The following TG variants were observed in gnomAD, a reference collection of about 807,000 sequenced individuals.
TG encodes thyroid hormones.
A neutral mutation model predicts 324.7 loss-of-function variants in TG; 270 were observed. The observed-to-expected ratio is 0.83, with a 90% CI of 0.75 to 0.92. The LOEUF (loss-of-function observed/expected upper bound fraction) is 0.92, where lower values mean the gene tolerates loss of function less well. TG is among the 40% of genes least tolerant of loss of function. The pLI is 0.00. For synonymous variants in TG, 1,401 were observed against 1,327.0 expected (o/e 1.06, Z -1.21); for missense variants, 3,591 against 3,456.4 (o/e 1.04, Z -0.98).
At position 132,886,477 on chromosome 8, in the gene TG, C is replaced by T; in HGVS notation, c.1105C>T (p.Gln369Ter). The change falls in exon 9 of 48, where the codon CAG becomes TAG. Residue 369 changes from glutamine to a stop codon, truncating the protein, a stop_gained. Transcript: ENST00000220616. LOFTEE classifies it high-confidence loss of function. ...AGGCCAATCTTGTGCCTCCGAAAGG[C>T]AGCAGGCCTTGTCCAGACTCTACTT... ...AEGQSCASER[Q>*]QALSRLYFGT... The T allele has an allele frequency of 6.2e-7, 1 of 1,614,188 alleles. No individual in the cohort carries two copies. Among genetic ancestry groups the T allele is most frequent in the Non-Finnish European group, 8.5e-7 (1 of 1,180,042 alleles).
rs1391609441 is a variant in TG, at chr8:133,011,924, C to G, written c.6286C>G (p.Leu2096Val). 6.2e-7 allele frequency: 1 copy of G among 1,614,074 alleles called. No homozygotes were observed. Among genetic ancestry groups the G allele is most frequent in the East Asian group, 2.2e-5 (1 of 44,882 alleles). Residue 2096 changes from leucine (L) to valine (V), a missense_variant, in exon 36 of 48, where the codon CTG becomes GTG. Leu to Val is a conservative substitution (Grantham distance 32, BLOSUM62 1). Transcript: ENST00000220616. ...AGTGTCTCTGGACTCGTGGCAGTCCCTGGCCCTCTCTTCAGTGGTTGTTGA... is the reference window on the plus strand; with the variant it reads ...AGTGTCTCTGGACTCGTGGCAGTCCGTGGCCCTCTCTTCAGTGGTTGTTGA... ...EKVSLDSWQS[L>V]ALSSVVVDPS...
intron 44 of TG, 41 bp from the exon 45 acceptor site, chr8:133,116,568 C>T (rs1564207557): frequency 6.3e-7 from 1 of 1,574,878 alleles, no homozygotes; most frequent in East Asian, 2.2e-5. Flanking sequence ...GCCCATAGAG[C>T]CATGTTTAAC....
intron 41 of TG, among the ~76,000 whole-genome samples, chr8:133,079,825 G>A (rs1845475442): frequency 6.6e-6 from 1 of 152,062 alleles, no homozygotes; most frequent in East Asian, 1.9e-4. Context: ...CTTATTGAAT[G>A]CAAGGCATGA....
intron 38 of TG, among the ~76,000 whole-genome samples, chr8:133,018,313 G>A (rs1020934965): frequency 1.3e-5 from 2 of 152,122 alleles, no homozygotes; most frequent in African/African-American, 4.8e-5. Flanking sequence ...AGGTCCCCTG[G>A]ACATTGATCC....
chr8:132,871,093 C>T (rs1708174399), intron 3 of TG, among the ~76,000 whole-genome samples: 1 of 152,178 alleles, frequency 6.6e-6, no homozygotes, highest in South Asian at 2.1e-4. Context: ...CACTCTGATC[C>T]CATCTCCCCT....
rs191664624 is a variant in TG, at chr8:133,082,819, T to C, written c.7240-12225T>C. ...ATGATGCCTTAATACTTTCATGGCA[T>C]ATACTTTTTTTCTAATGATAAGATT... On this transcript the variant is annotated intron_variant, in intron 41 of 47. Coordinates refer to ENST00000220616, the MANE Select transcript of TG (RefSeq NM_003235.5). 4.7e-3 allele frequency among the ~76,000 whole-genome samples: 693 copies of C among 146,140 alleles called. 9 individuals are homozygous for C. The highest frequency in any genetic ancestry group is 0.016 in the African/African-American group (665 of 41,286).
Position 132,948,893 on chromosome 8 carries a change from A to G in TG, c.5351A>G (p.Gln1784Arg). Residue 1784 changes from glutamine to arginine, a missense_variant, in exon 27 of 48, where the codon CAG (glutamine) becomes CGG (arginine). Coordinates refer to ENST00000220616, the MANE Select transcript of TG (RefSeq NM_003235.5). ...ACATGTCCTGGTGTGACATATGACC[A>G]GGAGAGCCACCAGGTGATATTGCGT... is the stretch of plus-strand genomic sequence containing the variant. ...NATCPGVTYD[Q>R]ESHQVILRLG... 6.2e-7 allele frequency: 1 copy of G among 1,614,072 alleles called. No homozygotes were observed. Among genetic ancestry groups the G allele is most frequent in the Non-Finnish European group, 8.5e-7 (1 of 1,179,996 alleles).
intron 44 of TG, 114 bp downstream of exon 44, chr8:133,113,717 T>C: frequency 8.3e-7 from 1 of 1,203,828 alleles, no homozygotes; most frequent in African/African-American, 1.5e-5. Flanking sequence ...GCTTGAGGTT[T>C]CCTCTGCATC....
At chr8:132,995,160 A>G (rs931255243) in intron 35 of TG, 63 of 965,762 alleles carry the variant, frequency 6.5e-5, no homozygotes, top group Non-Finnish European at 7.1e-5. Flanking sequence ...TTCCTACTCT[A>G]TGAATAACCT....
At chr8:133,078,606 G>A (rs1377249718) in intron 41 of TG, among the ~76,000 whole-genome samples, 1 of 152,188 alleles carries the variant, frequency 6.6e-6, no homozygotes, top group South Asian at 2.1e-4. Flanking sequence ...AATTTTGTTA[G>A]CACTCACTGT....
chr8:132,940,708 G>A (rs1271335136), intron 25 of TG, among the ~76,000 whole-genome samples: 1 of 152,170 alleles, frequency 6.6e-6, no homozygotes, highest in Non-Finnish European at 1.5e-5. Flanking sequence ...CCCCTGGGTG[G>A]GGCCAGTTTC....
rs773755881 is a variant in TG, at chr8:132,969,618, C to T, written c.5975+49C>T. 2.4e-5 allele frequency: 32 copies of T among 1,311,784 alleles called. No individual in the cohort carries two copies. The South Asian group carries it at 3.8e-4, about 15-fold the overall frequency. 81.3% of individuals were successfully genotyped at this position (1,311,784 alleles called of 1,614,324 possible). ...TAATGTTTATTATGAATAATACTTC[C>T]TCAAAGAAGATGACACAATCACAGC... On this transcript the variant is annotated intron_variant, in intron 32 of 47. Transcript: ENST00000220616.
intron 31 of TG, among the ~76,000 whole-genome samples, chr8:132,968,447 G>A (rs942890513): frequency 1.3e-5 from 2 of 152,196 alleles, no homozygotes; most frequent in African/African-American, 4.8e-5. Context: ...ACTTTAACAA[G>A]ATAGAAGGTG....
intron 26 of TG, among the ~76,000 whole-genome samples, chr8:132,947,815 A>G (rs754725673): frequency 1.3e-5 from 2 of 152,236 alleles, no homozygotes; most frequent in Non-Finnish European, 2.9e-5. Context: ...AATTAAGGGA[A>G]TTAATATACT....
intron 35 of TG, among the ~76,000 whole-genome samples, chr8:132,992,121 T>G (rs1486546601): frequency 1.3e-5 from 2 of 152,140 alleles, no homozygotes; most frequent in Admixed American, 6.5e-5. Context: ...TGCTTATTCA[T>G]TCAACAAGCA....
chr8:132,879,653 C>T (rs1364052434), intron 5 of TG, among the ~76,000 whole-genome samples: 1 of 152,180 alleles, frequency 6.6e-6, no homozygotes, highest in African/African-American at 2.4e-5. Flanking sequence ...CTAGAGAGCC[C>T]AGAAGGCAGT....
chr8:132,948,679 A>T, intron 26 of TG, 97 bp from the exon 27 acceptor site: 1 of 1,305,386 alleles, frequency 7.7e-7, no homozygotes, highest in Non-Finnish European at 1.1e-6. Flanking sequence ...AGACGCTGTC[A>T]CCTATCTTTA....
chr8:133,123,575 G>A (rs1249124101), intron 45 of TG, among the ~76,000 whole-genome samples: 2 of 152,126 alleles, frequency 1.3e-5, no homozygotes, highest in African/African-American at 4.8e-5. Flanking sequence ...TTGACTCACC[G>A]GTGATGTCCT....
intron 41 of TG, among the ~76,000 whole-genome samples, chr8:133,057,946 T>C (rs1340493280): frequency 1.3e-5 from 2 of 152,176 alleles, no homozygotes; most frequent in Non-Finnish European, 1.5e-5. Flanking sequence ...GGAGGGTCTG[T>C]GGTGCCTCTC....
Sources: gnomAD v4.1 joint callset for allele counts (sites outside exome capture counted in the v4.1 genomes callset) on GRCh38, gnomAD v4.1.1 for gene constraint, MANE v1.5 for transcripts, NCBI Gene and HGNC (gene_info 2026-07-23, HGNC 2026-07-21) for gene names.